The following CCDC192 variants were observed in gnomAD, a reference collection of about 807,000 sequenced individuals.
CCDC192 encodes the protein coiled-coil domain containing 192.
intron 3 of CCDC192, among the ~76,000 whole-genome samples, chr5:127,776,920 A>G (rs1755898055): frequency 6.6e-6 from 1 of 152,362 alleles, no homozygotes; most frequent in African/African-American, 2.4e-5. Flanking sequence ...AAATGCCTGG[A>G]TGTCCAGGAA....
intron 5 of CCDC192, among the ~76,000 whole-genome samples, chr5:127,855,921 T>C (rs1751067674): frequency 6.6e-6 from 1 of 152,242 alleles, no homozygotes; most frequent in African/African-American, 2.4e-5. Flanking sequence ...GTTCCATTTA[T>C]AGAGCACAGG....
rs529774328 is a variant in CCDC192, at chr5:127,913,874, A to G, written c.536-27308A>G. 1.1e-4 allele frequency among the ~76,000 whole-genome samples: 16 copies of G among 152,346 alleles called. 1 individual carries two copies. In the East Asian group the frequency reaches 1.3e-3, roughly 13 times the overall value. ...ACATCTTGATTCCTTGACTTACCCC[A>G]TGTGGAGGTAGATGGAAAAAACAAT... On this transcript the variant is annotated intron_variant, in intron 6 of 6. Transcript: ENST00000514853.
At chr5:127,852,809 C>G (rs1404839281) in intron 5 of CCDC192, among the ~76,000 whole-genome samples, 1 of 152,066 alleles carries the variant, frequency 6.6e-6, no homozygotes, top group African/African-American at 2.4e-5. Flanking sequence ...ATGCTGCTAT[C>G]CCTGGCCGGG....
chr5:127,889,806 C>T (rs1412277759), intron 6 of CCDC192, among the ~76,000 whole-genome samples: 1 of 152,240 alleles, frequency 6.6e-6, no homozygotes, highest in Non-Finnish European at 1.5e-5. Context: ...CACTTTGAAC[C>T]TGTCCATTCT....
chr5:127,817,862 T>C (rs1749099295), intron 5 of CCDC192, among the ~76,000 whole-genome samples: 1 of 152,192 alleles, frequency 6.6e-6, no homozygotes, highest in East Asian at 1.9e-4. Flanking sequence ...GTATTTTTAT[T>C]TGGATGCAGC....
At chr5:127,937,631 T>C (rs1012425796) in intron 6 of CCDC192, among the ~76,000 whole-genome samples, 1 of 152,254 alleles carries the variant, frequency 6.6e-6, no homozygotes, top group Admixed American at 6.5e-5. Flanking sequence ...TGTAGTACTT[T>C]GTGATAGCAG....
rs904530083 is a variant in CCDC192, at chr5:127,866,314, T to A, written c.412-9224T>A. Among the ~76,000 whole-genome samples, 6 of 151,756 alleles carry A rather than the reference T, an allele frequency of 4.0e-5. 1 individual carries two copies. The highest frequency in any genetic ancestry group is 3.9e-4 in the Admixed American group (6 of 15,200). On this transcript the variant is annotated intron_variant, in intron 5 of 6. Coordinates refer to ENST00000514853, the MANE Select transcript of CCDC192 (RefSeq NM_001317938.2). The stretch of plus-strand genomic sequence containing the variant: ...TAGGAGCCAAGTTTGATGCTTTAAT[T>A]TTTGGTAATTTCTCCATATGCGTTT...
At chr5:127,852,455 G>C (rs1179321485) in intron 5 of CCDC192, among the ~76,000 whole-genome samples, 4 of 152,162 alleles carry the variant, frequency 2.6e-5, no homozygotes, top group African/African-American at 9.7e-5. Context: ...GAAACACACA[G>C]TCACATTTAC....
intron 2 of CCDC192, among the ~76,000 whole-genome samples, chr5:127,753,717 T>A (rs541859171): frequency 1.3e-5 from 2 of 150,804 alleles, no homozygotes; most frequent in South Asian, 4.2e-4. Context: ...GAGAAAAAAC[T>A]TGACAGGCAG....
intron 3 of CCDC192, among the ~76,000 whole-genome samples, chr5:127,768,029 G>T (rs545884437): frequency 6.6e-4 from 100 of 152,148 alleles, no homozygotes; most frequent in African/African-American, 2.3e-3. Flanking sequence ...CGAGGTGGGC[G>T]GATCACGAGG....
rs1012048385 is a variant in CCDC192 at position 127,882,937 on chromosome 5, G to T, written c.535+7276G>T. Among the ~76,000 whole-genome samples the T allele has an allele frequency of 4.6e-5, 7 of 152,104 alleles. No individual in the cohort carries two copies. The East Asian group carries it at 1.3e-3, about 29-fold the overall frequency. On this transcript the variant is annotated intron_variant, in intron 6 of 6. Transcript: ENST00000514853. The stretch of plus-strand genomic sequence containing the variant: ...AATTATTTGACCAAGAGTTCTACAG[G>T]TAACCTTCTTTCACCACTGAAAACA...
At chr5:127,722,380 T>G (rs1351006993) in intron 2 of CCDC192, among the ~76,000 whole-genome samples, 1 of 152,182 alleles carries the variant, frequency 6.6e-6, no homozygotes, top group African/African-American at 2.4e-5. Flanking sequence ...AGATGGGTAG[T>G]TTGCAAATAT....
At chr5:127,886,547 A>G (rs1371219733) in intron 6 of CCDC192, among the ~76,000 whole-genome samples, 1 of 152,150 alleles carries the variant, frequency 6.6e-6, no homozygotes, top group Non-Finnish European at 1.5e-5. Flanking sequence ...TATCTACTTA[A>G]TGGATACTAA....
At chr5:127,814,560 C>G (rs919151684) in intron 5 of CCDC192, among the ~76,000 whole-genome samples, 2 of 152,182 alleles carry the variant, frequency 1.3e-5, no homozygotes, top group African/African-American at 4.8e-5. Context: ...ATGTTTAATG[C>G]TTATAAATGT....
At chr5:127,761,915 G>A (rs1009814212) in intron 3 of CCDC192, among the ~76,000 whole-genome samples, 1 of 152,198 alleles carries the variant, frequency 6.6e-6, no homozygotes, top group East Asian at 1.9e-4. Flanking sequence ...TTCTCTCTTA[G>A]TACATCTTAG....
At chr5:127,703,814 G>T (rs530117636) in intron 1 of CCDC192, among the ~76,000 whole-genome samples, 14 of 152,250 alleles carry the variant, frequency 9.2e-5, no homozygotes, top group South Asian at 8.3e-4. Flanking sequence ...TGGGAAGGGG[G>T]AGGGTATGAA....
At chr5:127,890,299 C>A (rs762625542) in intron 6 of CCDC192, among the ~76,000 whole-genome samples, 5 of 151,968 alleles carry the variant, frequency 3.3e-5, no homozygotes, top group Non-Finnish European at 5.9e-5. Context: ...ATCACTTGAG[C>A]CTGGGTGGTC....
intron 5 of CCDC192, among the ~76,000 whole-genome samples, chr5:127,862,069 TTG>T (rs1299802458): frequency 6.6e-6 from 1 of 152,190 alleles, no homozygotes; most frequent in African/African-American, 2.4e-5. Context: ...TGCTGGAGCA[TTG>T]AATGACTTGG....
chr5:127,940,490 C>A (rs1456549813), intron 6 of CCDC192: 1 of 152,122 alleles, frequency 6.6e-6, no homozygotes, highest in Non-Finnish European at 1.5e-5. Flanking sequence ...CGCTCTGTCG[C>A]CCAGGCTGGA....
Sources: allele counts gnomAD v4.1 joint callset (sites outside exome capture counted in the v4.1 genomes callset), GRCh38; gene constraint gnomAD v4.1.1; transcripts MANE v1.5; gene names NCBI Gene and HGNC (gene_info 2026-07-23, HGNC 2026-07-21).